The following CAMTA1 variants were observed in gnomAD, a reference collection of about 807,000 sequenced individuals.
CAMTA1 encodes calmodulin-binding transcription activator 1.
Under a neutral mutation model 170.9 loss-of-function variants are expected in CAMTA1, and 27 were observed. The ratio of observed to expected loss-of-function variants is 0.16; its 90% confidence interval spans 0.12 to 0.22. The LOEUF (loss-of-function observed/expected upper bound fraction) is 0.22. CAMTA1 is among the 10% of genes least tolerant of loss of function. The probability of loss-of-function intolerance (pLI) is 1.00; values close to 1 mark genes in which losing one functional copy is unlikely to be tolerated. For missense variants in CAMTA1, 1,619 were observed against 2,217.2 expected, an observed-to-expected ratio of 0.73 and a Z score of 5.42; for synonymous variants, 833 against 891.5, an observed-to-expected ratio of 0.93 and a Z score of 1.17.
At chr1:7,327,422 A>G (rs959497324) in intron 5 of CAMTA1, among the ~76,000 whole-genome samples, 91 of 151,656 alleles carry the variant, frequency 6.0e-4, no homozygotes, top group Admixed American at 2.2e-3. Flanking sequence ...AAAAAAAAAA[A>G]AAAGAAAAAA....
intron 5 of CAMTA1, among the ~76,000 whole-genome samples, chr1:7,259,012 G>A (rs1230231694): frequency 6.6e-6 from 1 of 152,156 alleles, no homozygotes; most frequent in Non-Finnish European, 1.5e-5. Context: ...CCACCAGTAG[G>A]AGCTGGGGAG....
chr1:7,554,962 C>A (rs752553593), intron 6 of CAMTA1, among the ~76,000 whole-genome samples: 1 of 151,908 alleles, frequency 6.6e-6, no homozygotes, highest in Non-Finnish European at 1.5e-5. Context: ...GAGGCGAGAA[C>A]AAGACTCAGG....
intron 4 of CAMTA1, among the ~76,000 whole-genome samples, chr1:7,118,441 C>T (rs1177126379): frequency 6.6e-6 from 1 of 151,632 alleles, no homozygotes; most frequent in Non-Finnish European, 1.5e-5. Context: ...CACAGGAGTA[C>T]ATCACCATGC....
intron 6 of CAMTA1, among the ~76,000 whole-genome samples, chr1:7,484,554 C>T (rs1029231318): frequency 1.3e-5 from 2 of 152,150 alleles, no homozygotes; most frequent in African/African-American, 4.8e-5. Context: ...CTTTGGGAGG[C>T]CAAGGCAGGT....
intron 6 of CAMTA1, among the ~76,000 whole-genome samples, chr1:7,516,295 T>G (rs2094285314): frequency 6.6e-6 from 1 of 152,252 alleles, no homozygotes; most frequent in Non-Finnish European, 1.5e-5. Flanking sequence ...ATCATGACAT[T>G]TTAATGTTAT....
chr1:7,205,490 A>G (rs527279298), intron 4 of CAMTA1, among the ~76,000 whole-genome samples: 2 of 152,064 alleles, frequency 1.3e-5, no homozygotes, highest in Non-Finnish European at 2.9e-5. Flanking sequence ...TACTAGGTGC[A>G]TTGTGTTTAT....
At chr1:7,734,224 G>C (rs914107120) in intron 12 of CAMTA1, among the ~76,000 whole-genome samples, 2 of 152,194 alleles carry the variant, frequency 1.3e-5, no homozygotes, top group Non-Finnish European at 2.9e-5. Flanking sequence ...TGGGATTACA[G>C]ACATAAGCCA....
At chr1:7,379,771 A>T (rs1182802115) in intron 5 of CAMTA1, among the ~76,000 whole-genome samples, 1 of 152,126 alleles carries the variant, frequency 6.6e-6, no homozygotes, top group Non-Finnish European at 1.5e-5. Context: ...CCTCGCTTTG[A>T]TCTCTTGGCC....
At chr1:7,632,640 C>T (rs1476099101) in intron 6 of CAMTA1, among the ~76,000 whole-genome samples, 1 of 152,266 alleles carries the variant, frequency 6.6e-6, no homozygotes, top group Non-Finnish European at 1.5e-5. Flanking sequence ...TCCAGGCCTC[C>T]TCCTCCTCAG....
chr1:7,760,001 GCT>G (rs2096962636), intron 22 of CAMTA1, among the ~76,000 whole-genome samples: 1 of 152,126 alleles, frequency 6.6e-6, no homozygotes, highest in Non-Finnish European at 1.5e-5. Context: ...CTGTGAGAAG[GCT>G]TTATAAACTG....
rs1553190638 is a variant in CAMTA1 at position 6,934,680 on chromosome 1, AC to A, written c.234+109475del. On this transcript the variant is annotated intron_variant, in intron 3 of 22. Coordinates refer to ENST00000303635, the MANE Select transcript of CAMTA1 (RefSeq NM_015215.4). This position sits in a 1 kb window ranked among gnomAD's most constrained non-coding sequence, Gnocchi z 4.5. The stretch of plus-strand genomic sequence containing the variant: ...AAATGCCTCCCCTCCCTTCACCACC[AC>A]CCCCTCCCCTCTCTCCCCTCTTATG... Among the ~76,000 whole-genome samples the A allele has an allele frequency of 1.4e-5, 2 of 142,692 alleles. No individual in the cohort carries two copies. Among genetic ancestry groups the A allele is most frequent in the Admixed American group, 7.1e-5 (1 of 14,160 alleles). 93.6% of individuals were successfully genotyped at this position (142,692 alleles called of 152,430 possible). A position where few individuals can be genotyped will look rare whatever the true frequency, so the allele number is the denominator to read the frequency against.
chr1:7,215,476 C>T (rs1054486454), intron 4 of CAMTA1, among the ~76,000 whole-genome samples: 2 of 152,226 alleles, frequency 1.3e-5, no homozygotes, highest in Admixed American at 6.5e-5. Flanking sequence ...CCACTGCAAC[C>T]TCCGCCTTCC....
chr1:7,622,964 C>T (rs1479504310), intron 6 of CAMTA1, among the ~76,000 whole-genome samples: 4 of 152,222 alleles, frequency 2.6e-5, no homozygotes, highest in Admixed American at 6.5e-5. Flanking sequence ...CGTCCCTATT[C>T]CCTGTGCCTG....
chr1:7,299,332 C>T lies in CAMTA1; in HGVS notation c.438+49706C>T, dbSNP rs1212397953. Among the ~76,000 whole-genome samples the T allele has an allele frequency of 6.6e-6, 1 of 152,242 alleles. No homozygotes were observed. Among genetic ancestry groups the T allele is most frequent in the African/African-American group, 2.4e-5 (1 of 41,456 alleles). On this transcript the variant is annotated intron_variant, in intron 5 of 22. Transcript: ENST00000303635. The surrounding 1 kb of genome is among the most constrained non-coding windows in gnomAD (Gnocchi z 4.7). ...AATCATCTGAGCCTCTGAGCAAGAG[C>T]TTCGCCTTTGACTCTGAAGCCAGTG...
At chr1:7,199,914 C>T (rs1349414638) in intron 4 of CAMTA1, among the ~76,000 whole-genome samples, 4 of 152,200 alleles carry the variant, frequency 2.6e-5, no homozygotes, top group Non-Finnish European at 5.9e-5. Context: ...CAGAGCTAAC[C>T]ACTGTCATGA....
At chr1:6,975,640 A>T (rs1693287705) in intron 3 of CAMTA1, among the ~76,000 whole-genome samples, 1 of 152,182 alleles carries the variant, frequency 6.6e-6, no homozygotes, top group Admixed American at 6.5e-5. Flanking sequence ...TAACGGCTTC[A>T]TTGAGACAGA....
intron 3 of CAMTA1, among the ~76,000 whole-genome samples, chr1:6,839,401 CA>C (rs774670164): frequency 6.6e-6 from 1 of 151,880 alleles, no homozygotes; most frequent in East Asian, 1.9e-4. Context: ...AAACAAAAAA[CA>C]AAAAACCCCC....
rs567708326 is a variant in CAMTA1 at position 6,792,300 on chromosome 1, C to T, written c.45+6725C>T. Among the ~76,000 whole-genome samples, 49 of 149,754 alleles carry T rather than the reference C, an allele frequency of 3.3e-4. 1 individual carries two copies. In the South Asian group the frequency reaches 9.7e-3, roughly 30 times the overall value. On this transcript the variant is annotated intron_variant, in intron 1 of 22. Transcript: ENST00000303635. ...TAAATTGACAATGGAGAGCAGTTCA[C>T]GTGATGGGACAAAGTAAAGGGTGAG...
At chr1:7,474,618 G>A (rs1017748551) in intron 6 of CAMTA1, among the ~76,000 whole-genome samples, 5 of 152,192 alleles carry the variant, frequency 3.3e-5, no homozygotes, top group African/African-American at 7.2e-5. Flanking sequence ...TCCCAGAGGC[G>A]TTGAGCTAGG....
Sources: gnomAD v4.1 joint callset for allele counts (sites outside exome capture counted in the v4.1 genomes callset) on GRCh38, gnomAD v4.1.1 for gene constraint, Gnocchi (gnomAD v3.1) non-coding constraint, MANE v1.5 for transcripts, NCBI Gene and HGNC (gene_info 2026-07-23, HGNC 2026-07-21) for gene names.